The following CUX2 variants were observed in gnomAD, a reference collection of about 807,000 sequenced individuals.
CUX2 encodes cut like homeobox 2.
In CUX2, 40 loss-of-function variants were observed where a neutral mutation model predicts 144.8. The ratio of observed to expected loss-of-function variants is 0.28; its 90% CI spans 0.21 to 0.36. The LOEUF (loss-of-function observed/expected upper bound fraction) is 0.36. Ranked by LOEUF, CUX2 falls within the 10% of genes least tolerant of loss-of-function variation. The pLI, the probability that CUX2 is intolerant of heterozygous loss-of-function variation, is 1.00. For synonymous variants in CUX2, 827 were observed against 875.6 expected, an observed-to-expected ratio of 0.94 and a Z score of 0.98; for missense variants, 1,615 against 1,994.0, an observed-to-expected ratio of 0.81 and a Z score of 3.62.
intron 1 of CUX2, among the ~76,000 whole-genome samples, chr12:111,148,018 T>TTTGATA (rs1876806832): frequency 6.6e-6 from 1 of 152,164 alleles, no homozygotes; most frequent in Non-Finnish European, 1.5e-5. Context: ...AGAAGGACCA[T>TTTGATA]TTGATACAGT....
At chr12:111,101,231 G>A (rs1320216630) in intron 1 of CUX2, among the ~76,000 whole-genome samples, 1 of 152,140 alleles carries the variant, frequency 6.6e-6, no homozygotes, top group African/African-American at 2.4e-5. Context: ...CCCAGGATTG[G>A]TTCCTGGGAT....
chr12:111,247,870 T>A (rs1251998108), intron 3 of CUX2, among the ~76,000 whole-genome samples: 1 of 152,178 alleles, frequency 6.6e-6, no homozygotes, highest in Admixed American at 6.5e-5. Flanking sequence ...AACCTCACCC[T>A]GTGTTTAACA....
At chr12:111,208,006 C>T (rs1048915520) in intron 1 of CUX2, among the ~76,000 whole-genome samples, 3 of 151,876 alleles carry the variant, frequency 2.0e-5, no homozygotes, top group Admixed American at 6.6e-5. Flanking sequence ...GGTTTCTGCA[C>T]GGAATTTGGT....
intron 18 of CUX2, among the ~76,000 whole-genome samples, chr12:111,333,970 G>A (rs1888228862): frequency 6.6e-6 from 1 of 151,996 alleles, no homozygotes; most frequent in Non-Finnish European, 1.5e-5. Flanking sequence ...GGTGGATCAT[G>A]AGGTCAGGAG....
intron 1 of CUX2, among the ~76,000 whole-genome samples, chr12:111,075,072 A>G (rs1260391759): frequency 6.6e-6 from 1 of 152,122 alleles, no homozygotes; most frequent in Non-Finnish European, 1.5e-5. Flanking sequence ...CAGAGGATGG[A>G]GGAGACAGCC....
In CUX2 at chr12:111,034,870, G is replaced by A. The variant is rs1869346751; in HGVS notation, c.63+630G>A. Among the ~76,000 whole-genome samples, 1 of 149,376 alleles carries A rather than the reference G, an allele frequency of 6.7e-6. No individual in the cohort carries two copies. ...GCGCCGCCACCCGGGGGCCGCCGCCGCCGCCGCCAGAGCCGCCGCCGCCGG... is the reference window on the plus strand; with the variant it reads ...GCGCCGCCACCCGGGGGCCGCCGCCACCGCCGCCAGAGCCGCCGCCGCCGG... On this transcript the variant is annotated intron_variant, in intron 1 of 21. Transcript: ENST00000261726. This position sits in a 1 kb window ranked among gnomAD's most constrained non-coding sequence, Gnocchi z 4.2.
At chr12:111,102,358 C>G (rs1873306039) in intron 1 of CUX2, among the ~76,000 whole-genome samples, 1 of 152,244 alleles carries the variant, frequency 6.6e-6, no homozygotes, top group African/African-American at 2.4e-5. Flanking sequence ...CAAGCTCAGG[C>G]TTGTGGCGGT....
chr12:111,164,071 C>T lies in CUX2; in HGVS notation c.64-50129C>T, dbSNP rs114807082. On this transcript the variant is annotated intron_variant, in intron 1 of 21. Coordinates refer to ENST00000261726, the MANE Select transcript of CUX2 (RefSeq NM_015267.4). ...TAAATGGATTAATATCTCTATAGCA[C>T]TTAGAACAGTCCCTGGCATGTAGTA... Among the ~76,000 whole-genome samples the T allele has an allele frequency of 3.1e-3, 473 of 152,300 alleles. 2 individuals are homozygous for T. Among genetic ancestry groups the T allele is most frequent in the African/African-American group, 0.011 (459 of 41,558 alleles).
At chr12:111,260,333 G>A (rs111906710) in intron 3 of CUX2, among the ~76,000 whole-genome samples, 8,404 of 151,750 alleles carry the variant, frequency 0.055, 781 homozygotes, top group African/African-American at 0.19. Context: ...GCATGGTGGC[G>A]GGCGCCTGTA....
At chr12:111,274,121 G>A (rs1884753644) in intron 4 of CUX2, among the ~76,000 whole-genome samples, 2 of 152,032 alleles carry the variant, frequency 1.3e-5, no homozygotes, top group South Asian at 2.1e-4. Context: ...TAGTAGAGAC[G>A]GGATTTCACC....
At chr12:111,069,509 A>G (rs1328342629) in intron 1 of CUX2, among the ~76,000 whole-genome samples, 1 of 148,076 alleles carries the variant, frequency 6.8e-6, no homozygotes, top group Non-Finnish European at 1.5e-5. Context: ...GGCCATAAAC[A>G]AAGCCTTGCT....
chr12:111,337,430 A>G (rs1438487541), intron 19 of CUX2, among the ~76,000 whole-genome samples: 1 of 152,038 alleles, frequency 6.6e-6, no homozygotes, highest in Non-Finnish European at 1.5e-5. Context: ...TAATTCTATT[A>G]CCCGCATTCT....
chr12:111,298,483 G>T (rs977978451), intron 8 of CUX2, 58 bp from the exon 9 acceptor site: 6 of 1,530,290 alleles, frequency 3.9e-6, no homozygotes, highest in Non-Finnish European at 5.3e-6. Context: ...TGTCAGGAGG[G>T]GCGGGGGCCT....
At chr12:111,182,708 G>A (rs908617067) in intron 1 of CUX2, among the ~76,000 whole-genome samples, 3 of 152,206 alleles carry the variant, frequency 2.0e-5, no homozygotes, top group Admixed American at 1.3e-4. Context: ...GGGGTCAGAC[G>A]AGCGGGTCCT....
At chr12:111,272,585 C>T (rs574680279) in intron 4 of CUX2, among the ~76,000 whole-genome samples, 194 of 152,324 alleles carry the variant, frequency 1.3e-3, no homozygotes, top group Admixed American at 3.1e-3. Context: ...ATGCCTCAGC[C>T]TCCCGAGTAG....
intron 14 of CUX2, among the ~76,000 whole-genome samples, chr12:111,309,578 C>T (rs530313832): frequency 6.7e-6 from 1 of 150,288 alleles, no homozygotes; most frequent in Non-Finnish European, 1.5e-5. Flanking sequence ...TGCTCCCCAC[C>T]CCCACCTCCC....
chr12:111,236,294 C>T (rs1882740926), intron 3 of CUX2, among the ~76,000 whole-genome samples: 3 of 152,166 alleles, frequency 2.0e-5, no homozygotes, highest in Admixed American at 2.0e-4. Flanking sequence ...TTCCTAGGAA[C>T]ATCAGTAGCC....
intron 18 of CUX2, among the ~76,000 whole-genome samples, chr12:111,323,152 G>A (rs1887616743): frequency 6.6e-6 from 1 of 152,218 alleles, no homozygotes; most frequent in Non-Finnish European, 1.5e-5. Context: ...GTCTGCCAGG[G>A]CCCTGGTGAG....
At chr12:111,275,989 T>C (rs780578016) in intron 4 of CUX2, among the ~76,000 whole-genome samples, 2 of 152,202 alleles carry the variant, frequency 1.3e-5, no homozygotes, top group Non-Finnish European at 2.9e-5. Context: ...CTTCTACTTA[T>C]GATACAAGAT....
Sources: gnomAD v4.1 joint callset for allele counts (sites outside exome capture counted in the v4.1 genomes callset) on GRCh38, gnomAD v4.1.1 for gene constraint, Gnocchi (gnomAD v3.1) non-coding constraint, MANE v1.5 for transcripts, NCBI Gene and HGNC (gene_info 2026-07-23, HGNC 2026-07-21) for gene names.